SCFD1: variants seen among roughly 807,000 people sequenced by gnomAD.
SCFD1 encodes sec1 family domain-containing protein 1.
SCFD1 carries 37 observed loss-of-function variants against 103.2 expected under a neutral mutation model. The observed-to-expected ratio is 0.36, with a 90% CI of 0.28 to 0.47. The LOEUF (loss-of-function observed/expected upper bound fraction) is 0.47. Ranked by LOEUF, SCFD1 falls within the 20% of genes least tolerant of loss-of-function variation. The probability of loss-of-function intolerance (pLI) is 1.00; values close to 1 mark genes in which losing one functional copy is unlikely to be tolerated. For synonymous variants in SCFD1, 264 were observed against 245.0 expected (o/e 1.08, Z -0.73); for missense variants, 639 against 761.2 (o/e 0.84, Z 1.89).
intron 15 of SCFD1, among the ~76,000 whole-genome samples, chr14:30,698,846 C>T (rs549087990): frequency 6.6e-5 from 10 of 152,230 alleles, no homozygotes; most frequent in Admixed American, 5.2e-4. Flanking sequence ...TGGGTTCACC[C>T]CTGAACTGCA....
intron 2 of SCFD1, among the ~76,000 whole-genome samples, chr14:30,629,364 A>G (rs1236686588): frequency 6.6e-6 from 1 of 152,118 alleles, no homozygotes; most frequent in Non-Finnish European, 1.5e-5. Flanking sequence ...CTCATTAACA[A>G]TTTCTTACTC....
chr14:30,666,166 C>T (rs1887946913), intron 10 of SCFD1, among the ~76,000 whole-genome samples: 1 of 152,172 alleles, frequency 6.6e-6, no homozygotes, highest in Non-Finnish European at 1.5e-5. Context: ...TAAAGCACTC[C>T]TCAGCAAATG....
chr14:30,622,293 C>T (rs749741276), upstream of SCFD1: 14 of 1,590,634 alleles, frequency 8.8e-6, no homozygotes, highest in East Asian at 4.5e-5. Flanking sequence ...GCCACGTCAT[C>T]CCCCCGCTCC....
chr14:30,660,690 C>T (rs1887367523), intron 10 of SCFD1, among the ~76,000 whole-genome samples: 1 of 151,874 alleles, frequency 6.6e-6, no homozygotes, highest in African/African-American at 2.4e-5. Flanking sequence ...TTAGTGAGTA[C>T]CCTAGTAATT....
chr14:30,714,726 A>T (rs1892154268), intron 19 of SCFD1, among the ~76,000 whole-genome samples: 1 of 152,194 alleles, frequency 6.6e-6, no homozygotes, highest in South Asian at 2.1e-4. Context: ...TGATCTATAA[A>T]CAATCAGATT....
At chr14:30,665,572 A>G (rs939480000) in intron 10 of SCFD1, among the ~76,000 whole-genome samples, 38 of 152,084 alleles carry the variant, frequency 2.5e-4, no homozygotes, top group Non-Finnish European at 2.4e-4. Flanking sequence ...TGGGCTAAAT[A>G]CCCCAATTAA....
chr14:30,628,376 A>G (rs1270906766), intron 2 of SCFD1, 97 bp downstream of exon 2: 3 of 713,630 alleles, frequency 4.2e-6, no homozygotes, highest in African/African-American at 3.6e-5. Context: ...GAAGTAACAC[A>G]TATTAGTTAT....
intron 23 of SCFD1, among the ~76,000 whole-genome samples, chr14:30,723,654 T>C (rs1164300404): frequency 6.6e-6 from 1 of 152,192 alleles, no homozygotes; most frequent in Non-Finnish European, 1.5e-5. Context: ...AAGTATTTGG[T>C]TTTCTGTTCC....
intron 9 of SCFD1, chr14:30,652,354 T>C (rs1333458311): frequency 6.6e-6 from 1 of 152,170 alleles, no homozygotes; most frequent in Non-Finnish European, 1.5e-5. Flanking sequence ...ATTGTAATAA[T>C]GGAGCAACAG....
intron 20 of SCFD1, among the ~76,000 whole-genome samples, chr14:30,718,430 TA>T (rs368949249): frequency 6.6e-6 from 1 of 152,364 alleles, no homozygotes; most frequent in African/African-American, 2.4e-5. Flanking sequence ...TGCAGACGGA[TA>T]TTTTTTTACT....
At chr14:30,629,092 T>C (rs1253665226) in intron 2 of SCFD1, among the ~76,000 whole-genome samples, 1 of 152,212 alleles carries the variant, frequency 6.6e-6, no homozygotes, top group African/African-American at 2.4e-5. Context: ...CTATACTTGC[T>C]TGTTTCTAAG....
intron 14 of SCFD1, among the ~76,000 whole-genome samples, chr14:30,691,932 CTTTATTTATTTA>C (rs10639442): frequency 0.032 from 4,608 of 143,220 alleles, 97 homozygotes; most frequent in Middle Eastern, 0.047. Flanking sequence ...ATTTAGCATA[CTTTATTTATTTA>C]TTTATTTATT....
At chr14:30,644,686 A>G (rs1277635233) in intron 7 of SCFD1, among the ~76,000 whole-genome samples, 3 of 152,086 alleles carry the variant, frequency 2.0e-5, no homozygotes, top group South Asian at 2.1e-4. Context: ...TCCTTTGCCC[A>G]TTTTTAATGG....
At chr14:30,696,862 T>C (rs1010466709) in intron 15 of SCFD1, among the ~76,000 whole-genome samples, 2 of 152,162 alleles carry the variant, frequency 1.3e-5, no homozygotes, top group African/African-American at 4.8e-5. Context: ...ATATTTGTTA[T>C]ATACAGGGGA....
chr14:30,696,626 G>A (rs34401165), intron 15 of SCFD1, among the ~76,000 whole-genome samples: 3,078 of 152,322 alleles, frequency 0.02, 38 homozygotes, highest in Non-Finnish European at 0.028. Context: ...GCATGTCAAA[G>A]TTCAGGAAAG....
chr14:30,706,947 T>A (rs1360711905), intron 18 of SCFD1, among the ~76,000 whole-genome samples: 1 of 152,218 alleles, frequency 6.6e-6, no homozygotes, highest in Non-Finnish European at 1.5e-5. Context: ...AGTTGCCTGG[T>A]GACAGGAATC....
chr14:30,664,261 G>C (rs12100621), intron 10 of SCFD1, among the ~76,000 whole-genome samples: 3 of 152,014 alleles, frequency 2.0e-5, no homozygotes, highest in Admixed American at 1.3e-4. Flanking sequence ...AGGCAAACAG[G>C]GTCTGGAGTG....
intron 17 of SCFD1, among the ~76,000 whole-genome samples, chr14:30,704,835 T>C (rs540876023): frequency 6.6e-6 from 1 of 152,280 alleles, no homozygotes; most frequent in African/African-American, 2.4e-5. Flanking sequence ...TATAAAACAG[T>C]GTATACAATA....
chr14:30,701,833 C>T (rs557104925), intron 16 of SCFD1, among the ~76,000 whole-genome samples: 25 of 151,912 alleles, frequency 1.6e-4, no homozygotes, highest in African/African-American at 6.0e-4. Context: ...TTTAAAAGTG[C>T]GGGACACCTG....
Sources: gnomAD v4.1 joint callset for allele counts (sites outside exome capture counted in the v4.1 genomes callset) on GRCh38, gnomAD v4.1.1 for gene constraint, MANE v1.5 for transcripts, NCBI Gene and HGNC (gene_info 2026-07-23, HGNC 2026-07-21) for gene names.